Variants in FAF1 observed in about 807,000 individuals in gnomAD.
FAF1 encodes Fas associated factor 1, also known as FAS-associated factor 1.
Under a neutral mutation model 92.5 loss-of-function variants are expected in FAF1, and 25 were observed. The observed-to-expected ratio is 0.27, with a 90% CI of 0.20 to 0.38. The LOEUF (loss-of-function observed/expected upper bound fraction) is 0.38, where lower values mean the gene tolerates loss of function less well. Ranked by LOEUF, FAF1 falls within the 10% of genes least tolerant of loss-of-function variation. FAF1 has a pLI of 1.00. For synonymous variants in FAF1, 234 were observed against 273.2 expected (o/e 0.86, Z 1.42); for missense variants, 636 against 793.3 (o/e 0.80, Z 2.38).
At chr1:50,534,806 TTTA>T (rs1425634165) in intron 15 of FAF1, among the ~76,000 whole-genome samples, 1 of 152,188 alleles carries the variant, frequency 6.6e-6, no homozygotes, top group Non-Finnish European at 1.5e-5. Flanking sequence ...CGATAATGTT[TTTA>T]TTATTATTTT....
chr1:50,898,647 A>T (rs1228331416), intron 1 of FAF1, among the ~76,000 whole-genome samples: 1 of 152,222 alleles, frequency 6.6e-6, no homozygotes, highest in Non-Finnish European at 1.5e-5. Flanking sequence ...AGGACAGACC[A>T]CAAAAAACTA....
At chr1:50,936,395 A>T (rs1038981046) in intron 1 of FAF1, among the ~76,000 whole-genome samples, 2 of 152,220 alleles carry the variant, frequency 1.3e-5, no homozygotes, top group African/African-American at 4.8e-5. Flanking sequence ...CTGTCAGAGA[A>T]GACTTCACAG....
chr1:50,863,944 G>A (rs1215217588), intron 1 of FAF1, among the ~76,000 whole-genome samples: 1 of 152,064 alleles, frequency 6.6e-6, no homozygotes, highest in Non-Finnish European at 1.5e-5. Context: ...GAGTGTATGT[G>A]TCGAGGAATT....
chr1:50,843,677 G>A (rs574836003), intron 2 of FAF1, among the ~76,000 whole-genome samples: 2 of 151,780 alleles, frequency 1.3e-5, no homozygotes, highest in Admixed American at 6.6e-5. Flanking sequence ...ATGTCCTCCC[G>A]TTCTACCCAT....
chr1:50,911,389 G>A (rs1158534969), intron 1 of FAF1, among the ~76,000 whole-genome samples: 1 of 150,390 alleles, frequency 6.6e-6, no homozygotes, highest in Admixed American at 6.6e-5. Flanking sequence ...TTATTATCTT[G>A]TTTTCTTGAG....
intron 7 of FAF1, among the ~76,000 whole-genome samples, chr1:50,697,234 T>C (rs915664310): frequency 6.6e-6 from 1 of 152,206 alleles, no homozygotes; most frequent in Non-Finnish European, 1.5e-5. Context: ...TTGCAATTGA[T>C]TGTGGAAGAA....
chr1:50,827,407 T>C (rs1644111076), intron 2 of FAF1, among the ~76,000 whole-genome samples: 1 of 152,176 alleles, frequency 6.6e-6, no homozygotes, highest in South Asian at 2.1e-4. Flanking sequence ...AGATGTGCTT[T>C]GTTAAACAGA....
chr1:50,731,726 T>C (rs979328137), intron 6 of FAF1, among the ~76,000 whole-genome samples: 3 of 152,174 alleles, frequency 2.0e-5, no homozygotes, highest in Admixed American at 6.5e-5. Flanking sequence ...AGTATCATTT[T>C]GGCTGTATCC....
At position 50,655,427 on chromosome 1, in the gene FAF1, T is replaced by G; in HGVS notation, c.744+15A>C. On this transcript the variant is annotated intron_variant, in intron 8 of 18. Transcript: ENST00000396153. ...GAAAGGAGGATATAAAACTGAAAAT[T>G]TGACTGTCACTTACTGAGTCGTCTG... The G allele has an allele frequency of 5.0e-6, 8 of 1,587,280 alleles. No individual in the cohort carries two copies. Among genetic ancestry groups the G allele is most frequent in the Non-Finnish European group, 6.9e-6 (8 of 1,156,092 alleles).
At chr1:50,536,637 G>C (rs1648497696) in intron 14 of FAF1, among the ~76,000 whole-genome samples, 2 of 152,120 alleles carry the variant, frequency 1.3e-5, no homozygotes, top group African/African-American at 2.4e-5. Flanking sequence ...CAGTAAATGA[G>C]TTACAGGACA....
At chr1:50,776,504 C>T (rs1660967422) in intron 4 of FAF1, among the ~76,000 whole-genome samples, 1 of 152,150 alleles carries the variant, frequency 6.6e-6, no homozygotes. Context: ...CTGATCACCA[C>T]ACTCGAAATA....
intron 2 of FAF1, among the ~76,000 whole-genome samples, chr1:50,811,124 CAGG>C (rs922380470): frequency 6.6e-6 from 1 of 152,078 alleles, no homozygotes; most frequent in Non-Finnish European, 1.5e-5. Flanking sequence ...TGCTTGAGCT[CAGG>C]AGTTCAAGAC....
Position 50,960,077 on chromosome 1 carries a change from T to C in FAF1, c.-266A>G, listed in dbSNP as rs543849244. The C allele has an allele frequency of 5.3e-5, 21 of 393,782 alleles. No individual in the cohort carries two copies. In the South Asian group the frequency reaches 2.3e-3, roughly 43 times the overall value. The allele number at this position is 393,782 out of a possible 1,614,324, so 24.4% of individuals were successfully genotyped here. ...GCAGCAGCCCGGACAGGAAGATTGG[T>C]CTGGATGTGGGTCCGGTCTTACAGT... On this transcript the variant is annotated 5_prime_UTR_variant, in exon 1 of 19. Coordinates refer to ENST00000396153, the MANE Select transcript of FAF1 (RefSeq NM_007051.3).
At chr1:50,482,139 AT>A (rs1286736922) in intron 17 of FAF1, among the ~76,000 whole-genome samples, 2 of 152,120 alleles carry the variant, frequency 1.3e-5, no homozygotes, top group Non-Finnish European at 2.9e-5. Flanking sequence ...CCCCGTTCAA[AT>A]TTCTTCATCC....
intron 18 of FAF1, chr1:50,452,224 A>C: frequency 8.4e-7 from 1 of 1,192,986 alleles, no homozygotes; most frequent in Non-Finnish European, 1.1e-6. Flanking sequence ...CAAATAAAAG[A>C]AAGTCCCGCT....
At chr1:50,646,260 C>A (rs905162239) in intron 8 of FAF1, among the ~76,000 whole-genome samples, 1 of 152,194 alleles carries the variant, frequency 6.6e-6, no homozygotes. Context: ...TATATACACA[C>A]ACACACATTG....
intron 1 of FAF1, among the ~76,000 whole-genome samples, chr1:50,887,955 G>A (rs1188846826): frequency 1.3e-5 from 2 of 152,082 alleles, no homozygotes; most frequent in Non-Finnish European, 2.9e-5. Context: ...TTGAATCTAT[G>A]AATTACCTTG....
intron 8 of FAF1, among the ~76,000 whole-genome samples, chr1:50,645,083 T>C (rs534587313): frequency 6.6e-6 from 1 of 152,336 alleles, no homozygotes; most frequent in East Asian, 1.9e-4. Context: ...AGTCTTTGCC[T>C]GTGTTATTTG....
chr1:50,782,978 T>C (rs1459117588), intron 4 of FAF1, among the ~76,000 whole-genome samples: 1 of 151,882 alleles, frequency 6.6e-6, no homozygotes, highest in Non-Finnish European at 1.5e-5. Flanking sequence ...TCAACAATAC[T>C]GAGTGTTTTT....
Sources: gnomAD v4.1 joint callset for allele counts (sites outside exome capture counted in the v4.1 genomes callset) on GRCh38, gnomAD v4.1.1 for gene constraint, MANE v1.5 for transcripts, NCBI Gene and HGNC (gene_info 2026-07-23, HGNC 2026-07-21) for gene names.